CENPC: variants seen among roughly 807,000 people sequenced by gnomAD.
The protein encoded by CENPC is centromere protein C, also known as CENP-C 1.
Under a neutral mutation model 112.1 loss-of-function variants are expected in CENPC, and 63 were observed. The observed-to-expected ratio is 0.56, with a 90% confidence interval of 0.46 to 0.69. The LOEUF (loss-of-function observed/expected upper bound fraction) is 0.69. Among genes scored for constraint, CENPC ranks in the 30% least tolerant of loss-of-function variants. The pLI, the probability that CENPC is intolerant of heterozygous loss-of-function variation, is 0.00. For synonymous variants in CENPC, 333 were observed against 367.6 expected, an observed-to-expected ratio of 0.91 and a Z score of 1.08; for missense variants, 1,000 against 1,103.8, an observed-to-expected ratio of 0.91 and a Z score of 1.33.
intron 9 of CENPC, 161 bp downstream of exon 9, chr4:67,512,241 C>T (rs1344153274): frequency 1.7e-6 from 1 of 579,306 alleles, no homozygotes; most frequent in Non-Finnish European, 2.9e-6. Flanking sequence ...TATATTAACG[C>T]TTCAAGGAAT....
chr4:67,520,364 T>C (rs355506), intron 5 of CENPC, among the ~76,000 whole-genome samples: 95,794 of 151,952 alleles, frequency 0.63, 30,452 homozygotes, highest in East Asian at 0.81. Context: ...ACCCCTGACC[T>C]TCACAGCCCA....
At chr4:67,493,241 A>C (rs1725333206) in intron 14 of CENPC, among the ~76,000 whole-genome samples, 1 of 151,930 alleles carries the variant, frequency 6.6e-6, no homozygotes, top group African/African-American at 2.4e-5. Flanking sequence ...CCCTGAAATC[A>C]ACAGTCATCA....
At chr4:67,500,854 G>A (rs1725573313) in intron 12 of CENPC, among the ~76,000 whole-genome samples, 1 of 152,174 alleles carries the variant, frequency 6.6e-6, no homozygotes, top group Non-Finnish European at 1.5e-5. Flanking sequence ...TGGGAGTCTT[G>A]AATGTATGTT....
intron 12 of CENPC, among the ~76,000 whole-genome samples, chr4:67,501,296 A>C (rs1201910868): frequency 6.6e-6 from 1 of 152,154 alleles, no homozygotes; most frequent in African/African-American, 2.4e-5. Flanking sequence ...TGAGAGAGCA[A>C]GACTCCATCT....
At chr4:67,531,477 C>G (rs1478573228) in intron 4 of CENPC, among the ~76,000 whole-genome samples, 1 of 152,210 alleles carries the variant, frequency 6.6e-6, no homozygotes, top group Non-Finnish European at 1.5e-5. Context: ...AATGTTCCCT[C>G]CATTACCAAC....
chr4:67,523,197 CA>C (rs1272580740), intron 5 of CENPC, among the ~76,000 whole-genome samples: 1 of 152,052 alleles, frequency 6.6e-6, no homozygotes, highest in African/African-American at 2.4e-5. Context: ...CCTGTAATCC[CA>C]GCTACTCAGG....
chr4:67,485,376 A>G (rs986883873), intron 17 of CENPC, among the ~76,000 whole-genome samples: 2 of 152,326 alleles, frequency 1.3e-5, no homozygotes, highest in Admixed American at 1.3e-4. Flanking sequence ...TTTTTGAGCA[A>G]CTAAAATAAA....
intron 10 of CENPC, among the ~76,000 whole-genome samples, chr4:67,507,610 C>A (rs1389975570): frequency 6.6e-6 from 1 of 152,064 alleles, no homozygotes; most frequent in South Asian, 2.1e-4. Context: ...TAATCAAAAA[C>A]AAACTACCCA....
chr4:67,500,545 A>G (rs1725564060), intron 12 of CENPC, among the ~76,000 whole-genome samples: 1 of 152,208 alleles, frequency 6.6e-6, no homozygotes, highest in Non-Finnish European at 1.5e-5. Context: ...AGACTGGAAC[A>G]TCTTATGCCA....
At chr4:67,511,339 T>C (rs543198569) in intron 9 of CENPC, among the ~76,000 whole-genome samples, 108 of 152,298 alleles carry the variant, frequency 7.1e-4, no homozygotes, top group Non-Finnish European at 1.4e-3. Context: ...GTACTAATCA[T>C]TCACTTATTA....
At chr4:67,520,195 G>A (rs574583564) in intron 5 of CENPC, among the ~76,000 whole-genome samples, 5 of 151,916 alleles carry the variant, frequency 3.3e-5, no homozygotes, top group African/African-American at 1.2e-4. Context: ...CAGCACTCTC[G>A]GCCATGGAGC....
At chr4:67,497,691 C>G (rs920427736) in intron 12 of CENPC, among the ~76,000 whole-genome samples, 1 of 152,052 alleles carries the variant, frequency 6.6e-6, no homozygotes, top group African/African-American at 2.4e-5. Context: ...CACCACCACG[C>G]TCAGCTAATT....
intron 16 of CENPC, among the ~76,000 whole-genome samples, chr4:67,491,508 GA>G (rs1355145070): frequency 2.2e-5 from 3 of 138,496 alleles, no homozygotes; most frequent in South Asian, 2.5e-4. Flanking sequence ...GAGAGAGAGA[GA>G]GAGAGAGAGA....
chr4:67,501,793 G>GA (rs889475244), intron 12 of CENPC, among the ~76,000 whole-genome samples: 2 of 152,090 alleles, frequency 1.3e-5, no homozygotes, highest in African/African-American at 2.4e-5. Flanking sequence ...AAATAGTTCA[G>GA]AAAAAAGATG....
chr4:67,535,198 T>C (rs1726681107), intron 4 of CENPC, among the ~76,000 whole-genome samples: 1 of 152,232 alleles, frequency 6.6e-6, no homozygotes, highest in South Asian at 2.1e-4. Flanking sequence ...TCTAGAATTC[T>C]GTACTCACCC....
intron 5 of CENPC, among the ~76,000 whole-genome samples, chr4:67,524,047 G>A (rs1726303964): frequency 6.6e-6 from 1 of 151,356 alleles, no homozygotes; most frequent in Non-Finnish European, 1.5e-5. Context: ...GCAGAAGGAT[G>A]GGAAAAAATA....
At chr4:67,515,571 C>T (rs751366521) in intron 7 of CENPC, among the ~76,000 whole-genome samples, 4 of 151,614 alleles carry the variant, frequency 2.6e-5, no homozygotes, top group Admixed American at 6.6e-5. Context: ...AATACACAGA[C>T]GGTTGAATGA....
At chr4:67,519,881 T>A (rs1470334665) in intron 5 of CENPC, among the ~76,000 whole-genome samples, 2 of 152,092 alleles carry the variant, frequency 1.3e-5, no homozygotes, top group Non-Finnish European at 2.9e-5. Context: ...CCCTCACCCT[T>A]CAGAACGAGA....
chr4:67,505,943 A>C (rs1020987606), intron 11 of CENPC, among the ~76,000 whole-genome samples: 4 of 152,190 alleles, frequency 2.6e-5, no homozygotes, highest in Non-Finnish European at 5.9e-5. Context: ...AATTAAAAAA[A>C]AATATAGCCA....
Sources: allele counts gnomAD v4.1 joint callset (sites outside exome capture counted in the v4.1 genomes callset), GRCh38; gene constraint gnomAD v4.1.1; transcripts MANE v1.5; gene names NCBI Gene and HGNC (gene_info 2026-07-23, HGNC 2026-07-21).